LRP1B: variants seen among roughly 807,000 people sequenced by gnomAD.
LRP1B encodes LDL receptor related protein 1B.
A neutral mutation model predicts 556.6 loss-of-function variants in LRP1B; 217 were observed. The observed-to-expected ratio is 0.39, with a 90% CI of 0.35 to 0.44. The LOEUF (loss-of-function observed/expected upper bound fraction) is 0.44, where lower values mean the gene tolerates loss of function less well. Ranked by LOEUF, LRP1B falls within the 20% of genes least tolerant of loss-of-function variation. The probability of loss-of-function intolerance (pLI) is 1.00; values close to 1 mark genes in which losing one functional copy is unlikely to be tolerated. For missense variants in LRP1B, 5,053 were observed against 5,620.8 expected (o/e 0.90, Z 3.23); for synonymous variants, 2,047 against 1,865.8 (o/e 1.10, Z -2.50).
chr2:140,487,786 A>G, intron 57 of LRP1B, 47 bp from the exon 58 acceptor site: 1 of 1,310,462 alleles, frequency 7.6e-7, no homozygotes, highest in Non-Finnish European at 1.1e-6. Flanking sequence ...CATAGAAATA[A>G]TTATAAAATG....
intron 2 of LRP1B, among the ~76,000 whole-genome samples, chr2:141,716,278 C>T (rs1173512904): frequency 6.6e-6 from 1 of 152,184 alleles, no homozygotes; most frequent in African/African-American, 2.4e-5. Flanking sequence ...TGTTCAACAG[C>T]CACAGCAGCA....
chr2:140,561,308 A>G (rs1178251411), intron 43 of LRP1B, among the ~76,000 whole-genome samples: 1 of 152,176 alleles, frequency 6.6e-6, no homozygotes, highest in African/African-American at 2.4e-5. Flanking sequence ...CACAGAATCC[A>G]AAAAGAATCT....
rs544073455 is a variant in LRP1B at position 141,651,108 on chromosome 2, A to C, written c.205+159171T>G. Among the ~76,000 whole-genome samples, 21 of 152,286 alleles carry C rather than the reference A, an allele frequency of 1.4e-4. No individual in the cohort carries two copies. The South Asian group carries it at 4.3e-3, about 32-fold the overall frequency. ...AACCTTGTAAAACATTATTTCCAAC[A>C]ATTTCTCTTGTCAAAACCAAAGTAT... On this transcript the variant is annotated intron_variant, in intron 2 of 90. Transcript: ENST00000389484.
intron 3 of LRP1B, among the ~76,000 whole-genome samples, chr2:141,305,008 G>A (rs1302798878): frequency 6.6e-6 from 1 of 152,082 alleles, no homozygotes. Flanking sequence ...ATATTTTGAA[G>A]ACAGGTAATG....
intron 2 of LRP1B, among the ~76,000 whole-genome samples, chr2:141,594,812 T>A (rs575806619): frequency 1.3e-5 from 2 of 152,102 alleles, no homozygotes; most frequent in African/African-American, 4.8e-5. Flanking sequence ...ATGATATTGA[T>A]ATATAGGCCA....
intron 66 of LRP1B, among the ~76,000 whole-genome samples, chr2:140,440,472 C>G (rs1213515894): frequency 6.6e-6 from 1 of 152,120 alleles, no homozygotes; most frequent in Non-Finnish European, 1.5e-5. Flanking sequence ...GCAAAGTGTT[C>G]TGTTTCTTTC....
intron 5 of LRP1B, among the ~76,000 whole-genome samples, chr2:141,237,212 G>T (rs1313876170): frequency 6.6e-6 from 1 of 152,122 alleles, no homozygotes; most frequent in East Asian, 1.9e-4. Context: ...TGTGGGTCAT[G>T]GGGATAAAGG....
Position 141,319,310 on chromosome 2 carries a change from G to GT in LRP1B, c.344-64670dup, listed in dbSNP as rs1426104411. Among the ~76,000 whole-genome samples, 28 of 133,950 alleles carry GT rather than the reference G, an allele frequency of 2.1e-4. 1 individual carries two copies. Among genetic ancestry groups the GT allele is most frequent in the African/African-American group, 7.8e-4 (27 of 34,646 alleles). The allele number at this position is 133,950 out of a possible 152,430, so 87.9% of individuals were successfully genotyped here. ...CTCTAAAAAGCAGTGTTTTTTTGTTGTTTTTTTTTTTTTTCCTACTCTTAC... is the reference window on the plus strand; with the variant it reads ...CTCTAAAAAGCAGTGTTTTTTTGTTGTTTTTTTTTTTTTTTCCTACTCTTAC... On this transcript the variant is annotated intron_variant, in intron 3 of 90. Transcript: ENST00000389484.
chr2:141,726,267 G>T (rs1693028842), intron 2 of LRP1B, among the ~76,000 whole-genome samples: 1 of 150,846 alleles, frequency 6.6e-6, no homozygotes, highest in Admixed American at 6.6e-5. Flanking sequence ...TACTTGACAA[G>T]ATTTGAACCA....
intron 57 of LRP1B, among the ~76,000 whole-genome samples, chr2:140,489,491 A>G (rs1002460483): frequency 6.6e-6 from 1 of 152,130 alleles, no homozygotes; most frequent in Non-Finnish European, 1.5e-5. Context: ...ATCCATTTAC[A>G]TCCTAAAAAC....
At chr2:141,483,687 T>C (rs1683008936) in intron 2 of LRP1B, among the ~76,000 whole-genome samples, 1 of 152,048 alleles carries the variant, frequency 6.6e-6, no homozygotes, top group Non-Finnish European at 1.5e-5. Flanking sequence ...TCATTGTGGT[T>C]CTGATTTGCA....
chr2:141,255,238 C>T (rs955112457), intron 3 of LRP1B, among the ~76,000 whole-genome samples: 1 of 151,932 alleles, frequency 6.6e-6, no homozygotes, highest in African/African-American at 2.4e-5. Flanking sequence ...GATGAAGTGA[C>T]AGGAGCACAT....
At chr2:140,811,436 T>G (rs1404049728) in intron 32 of LRP1B, among the ~76,000 whole-genome samples, 1 of 152,176 alleles carries the variant, frequency 6.6e-6, no homozygotes, top group Non-Finnish European at 1.5e-5. Context: ...CCTTAAATAT[T>G]TCTACAAGGT....
intron 4 of LRP1B, among the ~76,000 whole-genome samples, chr2:141,251,577 G>A (rs34671342): frequency 0.22 from 32,733 of 151,954 alleles, 3,612 homozygotes; most frequent in South Asian, 0.25. Flanking sequence ...GTGCTTAAAG[G>A]TATATAAGAA....
At chr2:141,514,465 T>C (rs1298041485) in intron 2 of LRP1B, among the ~76,000 whole-genome samples, 1 of 152,204 alleles carries the variant, frequency 6.6e-6, no homozygotes, top group East Asian at 1.9e-4. Flanking sequence ...TTTGTTGTGT[T>C]GTCTCCTCTG....
chr2:140,580,438 A>G (rs1053099397), intron 43 of LRP1B, among the ~76,000 whole-genome samples: 3 of 152,228 alleles, frequency 2.0e-5, no homozygotes, highest in Non-Finnish European at 4.4e-5. Context: ...ATGAAGCATC[A>G]TTTTAACCAC....
intron 32 of LRP1B, among the ~76,000 whole-genome samples, chr2:140,802,630 C>T (rs1016056293): frequency 6.6e-6 from 1 of 152,046 alleles, no homozygotes; most frequent in Non-Finnish European, 1.5e-5. Flanking sequence ...TCTAGTGATG[C>T]TTTATATGAG....
At chr2:141,137,673 C>T (rs1407890994) in intron 7 of LRP1B, among the ~76,000 whole-genome samples, 1 of 151,826 alleles carries the variant, frequency 6.6e-6, no homozygotes, top group Non-Finnish European at 1.5e-5. Context: ...GGTCCTCCAG[C>T]ATTTAAAAAT....
intron 84 of LRP1B, among the ~76,000 whole-genome samples, chr2:140,278,319 A>G (rs1267589684): frequency 6.6e-6 from 1 of 152,004 alleles, no homozygotes; most frequent in African/African-American, 2.4e-5. Flanking sequence ...TATTTAATTG[A>G]ACTGTTTACT....
Sources: gnomAD v4.1 joint callset for allele counts (sites outside exome capture counted in the v4.1 genomes callset) on GRCh38, gnomAD v4.1.1 for gene constraint, MANE v1.5 for transcripts, NCBI Gene and HGNC (gene_info 2026-07-23, HGNC 2026-07-21) for gene names.